RTTN: variants seen among roughly 807,000 people sequenced by gnomAD.
The protein encoded by RTTN is rotatin.
Under a neutral mutation model 269.2 loss-of-function variants are expected in RTTN, and 182 were observed. The observed-to-expected ratio is 0.68, with a 90% CI of 0.60 to 0.76. RTTN has a LOEUF of 0.76. Ranked by LOEUF, RTTN falls within the 30% of genes least tolerant of loss-of-function variation. The pLI is 0.00. For synonymous variants in RTTN, 1,006 were observed against 963.5 expected (o/e 1.04, Z -0.82); for missense variants, 2,545 against 2,608.6 (o/e 0.98, Z 0.53).
chr18:70,073,841 C>CA, intron 34 of RTTN, 65 bp downstream of exon 34: 1 of 1,124,146 alleles, frequency 8.9e-7, no homozygotes, highest in Non-Finnish European at 1.4e-6. Context: ...TTAACTCTCC[C>CA]ACTAGGCAAA....
At chr18:70,128,054 T>A in intron 24 of RTTN, 1 of 417,750 alleles carries the variant, frequency 2.4e-6, no homozygotes. Context: ...ATATACTTAC[T>A]GAGATTTTGT....
intron 40 of RTTN, among the ~76,000 whole-genome samples, chr18:70,039,946 T>C (rs914802756): frequency 6.6e-6 from 1 of 152,198 alleles, no homozygotes; most frequent in Non-Finnish European, 1.5e-5. Context: ...AGCCTCATCA[T>C]GGTAACCTTT....
intron 22 of RTTN, 101 bp from the exon 23 acceptor site, chr18:70,134,642 C>A (rs2060078820): frequency 4.2e-6 from 3 of 716,520 alleles, no homozygotes; most frequent in South Asian, 1.7e-5. Flanking sequence ...CAAATGAAAT[C>A]AAGCAGTGCA....
chr18:70,013,960 GATA>G (rs1474547955), intron 46 of RTTN, among the ~76,000 whole-genome samples: 27 of 152,122 alleles, frequency 1.8e-4, no homozygotes, highest in Admixed American at 1.4e-3. Flanking sequence ...CTGCATTCTG[GATA>G]ATATTTTTCT....
intron 27 of RTTN, among the ~76,000 whole-genome samples, chr18:70,110,906 G>C (rs1293826084): frequency 6.6e-6 from 1 of 152,242 alleles, no homozygotes; most frequent in African/African-American, 2.4e-5. Context: ...GCCGAGGCTT[G>C]AGTAGGCAGT....
intron 14 of RTTN, among the ~76,000 whole-genome samples, chr18:70,158,048 T>G (rs2060729952): frequency 6.6e-6 from 1 of 151,668 alleles, no homozygotes; most frequent in Non-Finnish European, 1.5e-5. Flanking sequence ...CCACGAAAAT[T>G]TCTCCAACCT....
Position 70,149,982 on chromosome 18 carries a change from G to T in RTTN, c.2161C>A (p.Pro721Thr). The change falls in exon 16 of 49, where the codon CCA becomes ACA. Residue 721 changes from proline (P) to threonine (T), a missense_variant. Coordinates refer to ENST00000640769, the MANE Select transcript of RTTN (RefSeq NM_173630.4). The stretch of plus-strand genomic sequence containing the variant: ...ATTTCACAGAATACCTGTAGTATTG[G>T]GATGACAGGACAGAGAGATTCAATA... ...KFIESLCPVIPILQGYADTED... is the reference protein window; with the variant it reads ...KFIESLCPVITILQGYADTED... 1 of 1,602,336 alleles carries T rather than the reference G, an allele frequency of 6.2e-7. No homozygotes were observed. Among genetic ancestry groups the T allele is most frequent in the Non-Finnish European group, 8.6e-7 (1 of 1,169,578 alleles).
intron 30 of RTTN, among the ~76,000 whole-genome samples, chr18:70,088,577 A>G (rs1467098146): frequency 6.6e-6 from 1 of 152,222 alleles, no homozygotes; most frequent in Non-Finnish European, 1.5e-5. Context: ...AGAGGCAATT[A>G]TCATTTTACA....
intron 7 of RTTN, among the ~76,000 whole-genome samples, chr18:70,193,741 C>T (rs931577715): frequency 2.0e-5 from 3 of 152,138 alleles, no homozygotes; most frequent in African/African-American, 4.8e-5. Context: ...CACTCGTCTG[C>T]TTAAAACTCT....
intron 26 of RTTN, among the ~76,000 whole-genome samples, chr18:70,120,894 T>C (rs1012342988): frequency 5.9e-5 from 9 of 151,724 alleles, no homozygotes; most frequent in African/African-American, 1.9e-4. Flanking sequence ...CTACTAAAAA[T>C]ACAAAAATTA....
chr18:70,157,433 T>C (rs374330397), intron 14 of RTTN, among the ~76,000 whole-genome samples: 4 of 152,078 alleles, frequency 2.6e-5, no homozygotes, highest in African/African-American at 9.7e-5. Flanking sequence ...AAATCCTCAA[T>C]GGCATCAAAT....
chr18:70,033,597 C>T (rs766460935), intron 40 of RTTN, among the ~76,000 whole-genome samples: 14 of 152,186 alleles, frequency 9.2e-5, no homozygotes, highest in African/African-American at 2.2e-4. Flanking sequence ...AAATTTTGAG[C>T]GCTAAATGCC....
At position 70,109,522 on chromosome 18, in the gene RTTN, C is replaced by T. The variant is rs1455839266; in HGVS notation, c.3879G>A (p.Val1293=). 1.2e-6 allele frequency: 2 copies of T among 1,613,910 alleles called. No homozygotes were observed. Among genetic ancestry groups the T allele is most frequent in the Non-Finnish European group, 1.7e-6 (2 of 1,179,986 alleles). Residue 1293 remains valine (V), a synonymous_variant, in exon 28 of 49, where the codon GTG becomes GTA. Coordinates refer to ENST00000640769, the MANE Select transcript of RTTN (RefSeq NM_173630.4). ...SPLTKPLDIC[V]KYLSGLLEVI... ...CCTCAAGGAGACCTGACAAGTACTT[C>T]ACACAGATATCTAGAGGCTTTGTGA...
At chr18:70,068,832 AT>A (rs2058218515) in intron 34 of RTTN, among the ~76,000 whole-genome samples, 1 of 152,192 alleles carries the variant, frequency 6.6e-6, no homozygotes, top group Admixed American at 6.5e-5. Context: ...ATATCCTGAG[AT>A]CTTCAATTTA....
chr18:70,104,285 A>T (rs1166539103), intron 28 of RTTN, among the ~76,000 whole-genome samples: 3 of 152,118 alleles, frequency 2.0e-5, no homozygotes, highest in African/African-American at 7.2e-5. Context: ...CAAATCAGCT[A>T]CTGAAGCTTG....
chr18:70,192,479 G>A (rs192958100), intron 8 of RTTN, among the ~76,000 whole-genome samples: 71 of 151,952 alleles, frequency 4.7e-4, no homozygotes, highest in African/African-American at 1.6e-3. Flanking sequence ...CCAGGAGTTC[G>A]AGACCAGCCT....
intron 4 of RTTN, 87 bp from the exon 5 acceptor site, chr18:70,199,591 C>G: frequency 1.1e-6 from 1 of 925,872 alleles, no homozygotes. Context: ...CCCTTTAAAA[C>G]AAGTCCCAAA....
Position 70,087,887 on chromosome 18 carries a change from T to C in RTTN, c.4302+102A>G. On this transcript the variant is annotated intron_variant, in intron 31 of 48. Coordinates refer to ENST00000640769, the MANE Select transcript of RTTN (RefSeq NM_173630.4). ...GGGTGTTCACAGACAGAAGAGATCATGGTCAGTGGTCAGTCCACCATGTTG... is the reference window on the plus strand; with the variant it reads ...GGGTGTTCACAGACAGAAGAGATCACGGTCAGTGGTCAGTCCACCATGTTG... 11 of 1,172,264 alleles carry C rather than the reference T, an allele frequency of 9.4e-6. 1 individual carries two copies. The highest frequency in any genetic ancestry group is 2.0e-4 in the Middle Eastern group (1 of 4,880). 72.6% of individuals were successfully genotyped at this position (1,172,264 alleles called of 1,614,324 possible).
intron 14 of RTTN, among the ~76,000 whole-genome samples, chr18:70,165,801 T>C (rs2060969394): frequency 6.6e-6 from 1 of 152,180 alleles, no homozygotes; most frequent in African/African-American, 2.4e-5. Flanking sequence ...CAATTTTCCT[T>C]ATAATTTTTC....
Sources: allele counts gnomAD v4.1 joint callset (sites outside exome capture counted in the v4.1 genomes callset), GRCh38; gene constraint gnomAD v4.1.1; transcripts MANE v1.5; gene names NCBI Gene and HGNC (gene_info 2026-07-23, HGNC 2026-07-21).